Variants in RYR2 observed in about 807,000 individuals in gnomAD.
RYR2 encodes cardiac muscle ryanodine receptor-calcium release channel.
A neutral mutation model predicts 601.1 loss-of-function variants in RYR2; 227 were observed. The ratio of observed to expected loss-of-function variants is 0.38; its 90% confidence interval spans 0.34 to 0.42. The LOEUF (loss-of-function observed/expected upper bound fraction) is 0.42, where lower values mean the gene tolerates loss of function less well. Among genes scored for constraint, RYR2 ranks in the 10% least tolerant of loss-of-function variants. The probability of loss-of-function intolerance (pLI) is 1.00; values close to 1 mark genes in which losing one functional copy is unlikely to be tolerated. For synonymous variants in RYR2, 2,223 were observed against 2,175.1 expected (o/e 1.02, Z -0.61); for missense variants, 4,646 against 6,156.5 (o/e 0.75, Z 8.21).
chr1:237,493,141 G>A (rs573509136), intron 19 of RYR2, 54 bp downstream of exon 19: 36 of 1,597,994 alleles, frequency 2.3e-5, no homozygotes, highest in Non-Finnish European at 2.9e-5. Context: ...AAGAATTAAT[G>A]TTCTTGCCCT....
At chr1:237,403,950 C>A (rs1053865295) in intron 10 of RYR2, among the ~76,000 whole-genome samples, 23 of 152,126 alleles carry the variant, frequency 1.5e-4, no homozygotes, top group African/African-American at 5.6e-4. Flanking sequence ...GCAAAAACAT[C>A]TTGGATTTTA....
chr1:237,250,572 C>G lies in RYR2; in HGVS notation c.49-19925C>G, dbSNP rs145469056. On this transcript the variant is annotated intron_variant, in intron 1 of 104. Coordinates refer to ENST00000366574, the MANE Select transcript of RYR2 (RefSeq NM_001035.3). ...CCTTTACTAAGGCAGTTCCCTGTCT[C>G]GTATTCCTCAAAGCCCGTCTTCCCT... is the stretch of plus-strand genomic sequence containing the variant. 3.9e-5 allele frequency among the ~76,000 whole-genome samples: 6 copies of G among 152,278 alleles called. No individual in the cohort carries two copies. In the East Asian group the frequency reaches 7.7e-4, roughly 20 times the overall value.
chr1:237,229,496 C>G lies in RYR2; in HGVS notation c.49-41001C>G, dbSNP rs544272874. On this transcript the variant is annotated intron_variant, in intron 1 of 104. Transcript: ENST00000366574. ...TCCTATGATGGGGAAAGTTGGAAGG[C>G]TGTAAACATCCCAGAGTTCCTGTTG... 5.3e-5 allele frequency among the ~76,000 whole-genome samples: 8 copies of G among 152,240 alleles called. No individual in the cohort carries two copies. In the East Asian group the frequency reaches 1.4e-3, roughly 26 times the overall value.
intron 3 of RYR2, among the ~76,000 whole-genome samples, chr1:237,331,671 A>ATT (rs34015889): frequency 7.4e-6 from 1 of 134,848 alleles, no homozygotes; most frequent in Non-Finnish European, 1.6e-5. Context: ...ACACCTGGCT[A>ATT]TTTTTTTTTT....
intron 2 of RYR2, among the ~76,000 whole-genome samples, chr1:237,324,994 T>C (rs1696010453): frequency 6.6e-6 from 1 of 152,248 alleles, no homozygotes; most frequent in Non-Finnish European, 1.5e-5. Flanking sequence ...TATGTGCATC[T>C]GTTTGATTTT....
chr1:237,615,247 G>T (rs1678339046), intron 37 of RYR2, among the ~76,000 whole-genome samples: 1 of 152,198 alleles, frequency 6.6e-6, no homozygotes, highest in South Asian at 2.1e-4. Flanking sequence ...GGAGTGCAGT[G>T]GTGGTGCAAT....
chr1:237,824,113 G>A (rs1003451763), intron 101 of RYR2, among the ~76,000 whole-genome samples: 1 of 152,116 alleles, frequency 6.6e-6, no homozygotes, highest in Non-Finnish European at 1.5e-5. Flanking sequence ...AGAGGAGCTG[G>A]TACCATTCCT....
At position 237,597,973 on chromosome 1, in the gene RYR2, A is replaced by G. The variant is rs80148614; in HGVS notation, c.4596+2316A>G. 4.0e-3 allele frequency among the ~76,000 whole-genome samples: 602 copies of G among 152,340 alleles called. 2 individuals carry two copies. The highest frequency in any genetic ancestry group is 0.013 in the African/African-American group (559 of 41,578). On this transcript the variant is annotated intron_variant, in intron 34 of 104. Coordinates refer to ENST00000366574, the MANE Select transcript of RYR2 (RefSeq NM_001035.3). Reference sequence around the variant, plus strand: ...TAAGGACAGACATAGCCTGAAAGTGAAGGGATGGAAAAAGATTTTCAATGC... The same window carrying G: ...TAAGGACAGACATAGCCTGAAAGTGGAGGGATGGAAAAAGATTTTCAATGC...
intron 22 of RYR2, among the ~76,000 whole-genome samples, chr1:237,505,570 G>A (rs1665135490): frequency 6.6e-6 from 1 of 152,164 alleles, no homozygotes; most frequent in African/African-American, 2.4e-5. Flanking sequence ...AAAGGTGGGA[G>A]GATATGTATA....
At chr1:237,554,686 A>G (rs756860210) in intron 27 of RYR2, among the ~76,000 whole-genome samples, 4 of 151,938 alleles carry the variant, frequency 2.6e-5, no homozygotes, top group Non-Finnish European at 5.9e-5. Context: ...TAGATTTTCT[A>G]TTTATTTGTG....
chr1:237,525,639 C>T (rs181254914), intron 24 of RYR2, among the ~76,000 whole-genome samples: 2 of 151,760 alleles, frequency 1.3e-5, no homozygotes, highest in African/African-American at 4.8e-5. Context: ...TTAGTAGAGA[C>T]GGGGTTTCAC....
At chr1:237,071,906 G>A (rs1383923460) in intron 1 of RYR2, among the ~76,000 whole-genome samples, 3 of 152,218 alleles carry the variant, frequency 2.0e-5, no homozygotes, top group African/African-American at 4.8e-5. Flanking sequence ...GTGTGTTATC[G>A]CTGCCTTGAG....
At chr1:237,155,274 C>G (rs976414216) in intron 1 of RYR2, among the ~76,000 whole-genome samples, 2 of 145,452 alleles carry the variant, frequency 1.4e-5, no homozygotes, top group Admixed American at 1.5e-4. Flanking sequence ...CTCCCGAGTT[C>G]ACGCCACTCT....
intron 1 of RYR2, among the ~76,000 whole-genome samples, chr1:237,117,616 T>G (rs1000184845): frequency 6.6e-6 from 1 of 151,756 alleles, no homozygotes; most frequent in African/African-American, 2.4e-5. Flanking sequence ...CTTCTTTCTC[T>G]TCTCTTTTCT....
intron 2 of RYR2, among the ~76,000 whole-genome samples, chr1:237,292,202 A>C (rs769297628): frequency 6.6e-6 from 1 of 152,254 alleles, no homozygotes; most frequent in African/African-American, 2.4e-5. Context: ...CTGTATATAC[A>C]GTGAAACTGT....
intron 24 of RYR2, among the ~76,000 whole-genome samples, chr1:237,520,807 G>A (rs528549246): frequency 3.9e-5 from 6 of 152,158 alleles, no homozygotes; most frequent in Non-Finnish European, 7.4e-5. Flanking sequence ...AGGCCAAGGT[G>A]GGTGGATCAC....
At chr1:237,711,622 T>C (rs1305761064) in intron 70 of RYR2, 123 bp from the exon 71 acceptor site, 1 of 638,214 alleles carries the variant, frequency 1.6e-6, no homozygotes, top group Non-Finnish European at 2.8e-6. Context: ...GTATCCTTTT[T>C]TGATAATTCT....
chr1:237,294,715 A>C (rs1350963088), intron 2 of RYR2, among the ~76,000 whole-genome samples: 2 of 152,156 alleles, frequency 1.3e-5, no homozygotes, highest in African/African-American at 4.8e-5. Flanking sequence ...TATATAGATA[A>C]TGCTTCTGGA....
At chr1:237,748,163 A>G (rs566726966) in intron 80 of RYR2, among the ~76,000 whole-genome samples, 77 of 152,270 alleles carry the variant, frequency 5.1e-4, no homozygotes, top group African/African-American at 1.8e-3. Flanking sequence ...TAGAGAAACG[A>G]TATGGGGAAT....
Sources: allele counts gnomAD v4.1 joint callset (sites outside exome capture counted in the v4.1 genomes callset), GRCh38; gene constraint gnomAD v4.1.1; transcripts MANE v1.5; gene names NCBI Gene and HGNC (gene_info 2026-07-23, HGNC 2026-07-21).